IGF2BP2: variants seen among roughly 807,000 people sequenced by gnomAD.
The protein encoded by IGF2BP2 is insulin-like growth factor 2 mRNA-binding protein 2.
In IGF2BP2, 17 loss-of-function variants were observed where a neutral mutation model predicts 75.8. The ratio of observed to expected loss-of-function variants is 0.22; its 90% CI spans 0.15 to 0.34. The LOEUF is 0.34. Ranked by LOEUF, IGF2BP2 falls within the 10% of genes least tolerant of loss-of-function variation. IGF2BP2 has a pLI of 1.00. For missense variants in IGF2BP2, 516 were observed against 772.4 expected (o/e 0.67, Z 3.93); for synonymous variants, 288 against 295.6 (o/e 0.97, Z 0.26).
At chr3:185,681,818 GAGCAGTCTATTC>G (rs997273675) in intron 7 of IGF2BP2, among the ~76,000 whole-genome samples, 3 of 152,212 alleles carry the variant, frequency 2.0e-5, no homozygotes, top group Non-Finnish European at 4.4e-5. Context: ...GATGGGGAAA[GAGCAGTCTATTC>G]AGCAGATGGT....
chr3:185,790,326 T>C (rs997695034), intron 2 of IGF2BP2, among the ~76,000 whole-genome samples: 1 of 152,166 alleles, frequency 6.6e-6, no homozygotes. Context: ...AATACAATAA[T>C]TTTTATCTTA....
intron 7 of IGF2BP2, among the ~76,000 whole-genome samples, chr3:185,679,777 C>T (rs547881003): frequency 1.5e-4 from 23 of 152,120 alleles, no homozygotes; most frequent in African/African-American, 3.1e-4. Flanking sequence ...CCACCACACC[C>T]GGCTAATTTT....
intron 2 of IGF2BP2, among the ~76,000 whole-genome samples, chr3:185,718,697 A>AG (rs1220929604): frequency 6.6e-6 from 1 of 150,968 alleles, no homozygotes; most frequent in African/African-American, 2.4e-5. Context: ...AAAAAAAAAA[A>AG]AAAAAAAAAA....
intron 2 of IGF2BP2, among the ~76,000 whole-genome samples, chr3:185,777,678 T>C (rs1163758299): frequency 6.6e-6 from 1 of 152,122 alleles, no homozygotes; most frequent in Non-Finnish European, 1.5e-5. Flanking sequence ...TGGTGGTGGG[T>C]TAAATCAAGG....
intron 2 of IGF2BP2, among the ~76,000 whole-genome samples, chr3:185,800,999 T>C (rs1014691828): frequency 2.7e-5 from 4 of 148,024 alleles, no homozygotes; most frequent in African/African-American, 9.9e-5. Flanking sequence ...ACAAGGAACT[T>C]AAACAAACTT....
At chr3:185,786,261 G>A (rs1177536954) in intron 2 of IGF2BP2, among the ~76,000 whole-genome samples, 1 of 151,920 alleles carries the variant, frequency 6.6e-6, no homozygotes, top group Non-Finnish European at 1.5e-5. Context: ...GAGGCAACAT[G>A]GCCCCACTGA....
intron 2 of IGF2BP2, among the ~76,000 whole-genome samples, chr3:185,743,367 C>T (rs1295525980): frequency 6.6e-6 from 1 of 152,140 alleles, no homozygotes; most frequent in Non-Finnish European, 1.5e-5. Flanking sequence ...CCTCCATCTT[C>T]CAGGTTCAAG....
At chr3:185,703,513 T>C (rs913623204) in intron 2 of IGF2BP2, among the ~76,000 whole-genome samples, 4 of 151,938 alleles carry the variant, frequency 2.6e-5, no homozygotes, top group Non-Finnish European at 4.4e-5. Context: ...ATCTGTATTA[T>C]TAAAAAAAAA....
chr3:185,674,313 T>G (rs1299708394), intron 9 of IGF2BP2, among the ~76,000 whole-genome samples: 1 of 152,162 alleles, frequency 6.6e-6, no homozygotes, highest in East Asian at 1.9e-4. Flanking sequence ...AAAGGTGGAT[T>G]ATGGGTATAT....
intron 2 of IGF2BP2, among the ~76,000 whole-genome samples, chr3:185,701,022 C>T (rs576751106): frequency 1.3e-5 from 2 of 152,186 alleles, no homozygotes; most frequent in South Asian, 4.2e-4. Flanking sequence ...TGTAAATGCA[C>T]AGAAAAAGGC....
chr3:185,695,190 C>G (rs969113950), intron 4 of IGF2BP2, among the ~76,000 whole-genome samples: 1 of 152,132 alleles, frequency 6.6e-6, no homozygotes, highest in Non-Finnish European at 1.5e-5. Context: ...TTTCCCTTCA[C>G]CTTTGGGCAT....
intron 2 of IGF2BP2, chr3:185,722,142 C>T (rs1305304007): frequency 2.3e-6 from 1 of 426,308 alleles, no homozygotes; most frequent in Non-Finnish European, 4.6e-6. Context: ...CTATGTTGCC[C>T]AGGCTGGTCT....
chr3:185,817,235 A>C (rs746606424), intron 2 of IGF2BP2, among the ~76,000 whole-genome samples: 9 of 152,234 alleles, frequency 5.9e-5, no homozygotes, highest in Non-Finnish European at 8.8e-5. Flanking sequence ...ATGTATCTCA[A>C]AAATACAGAT....
At chr3:185,811,830 G>GCCTCTCTCTCTC (rs1366130204) in intron 2 of IGF2BP2, among the ~76,000 whole-genome samples, 1 of 120,694 alleles carries the variant, frequency 8.3e-6, no homozygotes, top group Non-Finnish European at 1.8e-5. Flanking sequence ...AGAGTAGGGT[G>GCCTCTCTCTCTC]TCTCTCTCTC....
chr3:185,751,078 T>C (rs1200753170), intron 2 of IGF2BP2, among the ~76,000 whole-genome samples: 1 of 151,928 alleles, frequency 6.6e-6, no homozygotes, highest in African/African-American at 2.4e-5. Flanking sequence ...CTGGGCGTGA[T>C]GGGGTGTGCC....
chr3:185,698,534 C>T (rs1578010899), intron 2 of IGF2BP2, among the ~76,000 whole-genome samples, 187 bp from the exon 3 acceptor site: 2 of 152,152 alleles, frequency 1.3e-5, no homozygotes, highest in South Asian at 2.1e-4. Context: ...GCCAGAGTCT[C>T]GCTCTGTCGC....
At chr3:185,714,803 A>G (rs1353271295) in intron 2 of IGF2BP2, among the ~76,000 whole-genome samples, 1 of 151,988 alleles carries the variant, frequency 6.6e-6, no homozygotes, top group Non-Finnish European at 1.5e-5. Context: ...AAAGCAACCA[A>G]CCTATCCCAT....
intron 2 of IGF2BP2, chr3:185,728,638 A>T (rs1727698323): frequency 6.6e-6 from 1 of 152,220 alleles, no homozygotes; most frequent in Admixed American, 6.5e-5. Context: ...TTAACTATTG[A>T]ACAGATTTGC....
chr3:185,657,545 A>T lies in IGF2BP2; in HGVS notation c.1270-143T>A. 4 of 619,714 alleles carry T rather than the reference A, an allele frequency of 6.5e-6. No individual in the cohort carries two copies. In the South Asian group the frequency reaches 6.8e-5, roughly 10 times the overall value. 38.4% of individuals were successfully genotyped at this position (619,714 alleles called of 1,614,324 possible). On this transcript the variant is annotated intron_variant, in intron 11 of 15. Transcript: ENST00000382199. ...GGAAATGGCCAAAATGGTGCACAGG[A>T]TCCTTCTGCGGCCTGCGGCTCTGCA...
Sources: allele counts gnomAD v4.1 joint callset (sites outside exome capture counted in the v4.1 genomes callset), GRCh38; gene constraint gnomAD v4.1.1; transcripts MANE v1.5; gene names NCBI Gene and HGNC (gene_info 2026-07-23, HGNC 2026-07-21).